ADAM33: variants seen among roughly 807,000 people sequenced by gnomAD.
ADAM33 encodes the protein ADAM metallopeptidase domain 33, also known as disintegrin and metalloproteinase domain-containing protein 33.
In ADAM33, 103 loss-of-function variants were observed where a neutral mutation model predicts 106.2. The ratio of observed to expected loss-of-function variants is 0.97; its 90% CI spans 0.83 to 1.14. The LOEUF is 1.14. Among genes scored for constraint, ADAM33 ranks in the 50% most tolerant of loss-of-function variants. ADAM33 has a pLI of 0.00. For synonymous variants in ADAM33, 483 were observed against 453.0 expected (o/e 1.07, Z -0.84); for missense variants, 1,120 against 1,096.6 (o/e 1.02, Z -0.30).
intron 1 of ADAM33, 125 bp from the exon 2 acceptor site, chr20:3,679,696 A>G (rs1004377038): frequency 1.3e-6 from 1 of 749,016 alleles, no homozygotes; most frequent in African/African-American, 1.7e-5. Context: ...GGCAGACTTC[A>G]CCTTCAACAC....
chr20:3,671,501 G>A lies in ADAM33; in HGVS notation c.1906-5C>T, dbSNP rs780983506. On this transcript the variant is annotated splice_polypyrimidine_tract_variant and splice_region_variant and intron_variant, in intron 16 of 21. Transcript: ENST00000356518. ...GCAGCGCCTGCTCTGGCACACCTAC[G>A]GGCAGTGCACCAGGCAGTGAGGGGG... 16 of 1,610,530 alleles carry A rather than the reference G, an allele frequency of 9.9e-6. No individual in the cohort carries two copies. The highest frequency in any genetic ancestry group is 1.6e-4 in the Middle Eastern group (1 of 6,074).
At chr20:3,669,076 CTCA>C (rs2087358886) in intron 21 of ADAM33, 76 bp from the exon 22 acceptor site, 2 of 1,504,376 alleles carry the variant, frequency 1.3e-6, no homozygotes, top group Admixed American at 1.7e-5. Context: ...AGAGCCCATC[CTCA>C]CTCAGTGAGG....
At chr20:3,681,793 G>A (rs2088522467) in intron 1 of ADAM33, 115 bp downstream of exon 1, 13 of 1,416,210 alleles carry the variant, frequency 9.2e-6, no homozygotes, top group Middle Eastern at 2.4e-4. Flanking sequence ...TGGCCGTATG[G>A]TGCCGGGGCC....
At position 3,672,838 on chromosome 20, in the gene ADAM33, G is replaced by A. The variant is rs2087638432; in HGVS notation, c.1194C>T (p.Arg398=). The change falls in exon 12 of 22, where the codon CGC becomes CGT. Residue 398 remains arginine, a synonymous_variant. Transcript: ENST00000356518. ...TGGAGAGGCAAGCGCCGCCCCCCTT[G>A]CGGAAGAAGGCGCGCAGCTGGCGGC... The part of the protein sequence containing the change: ...CSRRQLRAFF[R]KGGGACLSNA... 6.3e-7 allele frequency: 1 copy of A among 1,575,446 alleles called. No individual in the cohort carries two copies. Among genetic ancestry groups the A allele is most frequent in the African/African-American group, 1.4e-5 (1 of 73,412 alleles).
intron 8 of ADAM33, 22 bp from the exon 9 acceptor site, chr20:3,673,933 A>T: frequency 6.4e-7 from 1 of 1,571,740 alleles, no homozygotes; most frequent in Non-Finnish European, 8.6e-7. Flanking sequence ...GCGGGGCTGA[A>T]GCCGGGACAG....
chr20:3,678,086 A>C (rs183430480), intron 2 of ADAM33, among the ~76,000 whole-genome samples: 1 of 152,212 alleles, frequency 6.6e-6, no homozygotes, highest in African/African-American at 2.4e-5. Flanking sequence ...AGGCCCCACA[A>C]GGCCTCCAGC....
rs1182176070 is a variant in ADAM33, at chr20:3,669,331, T to G, written c.2372A>C (p.Lys791Thr). ...GTCAGGCGAGACTGCTGGCAGAGGC[T>G]TCTCAGGGTGGCTGCTGGGCTCATG... ...NSHEPSSHPEKPLPAVSPDPQ... is the reference protein window; with the variant it reads ...NSHEPSSHPETPLPAVSPDPQ... The change falls in exon 21 of 22, where the codon AAG becomes ACG. Residue 791 changes from lysine (K) to threonine (T), a missense_variant. Transcript: ENST00000356518. The G allele has an allele frequency of 6.2e-7, 1 of 1,600,786 alleles. No homozygotes were observed. Among genetic ancestry groups the G allele is most frequent in the East Asian group, 2.2e-5 (1 of 44,832 alleles).
chr20:3,673,585 C>A lies in ADAM33; in HGVS notation c.979G>T (p.Gly327Cys). Reference sequence around the variant, plus strand: ...CCCGCGGGGCTCACCGTGCTCACGCCTCCCGAGCTCTCGGCGCGGCACATG... The same window carrying A: ...CCCGCGGGGCTCACCGTGCTCACGCATCCCGAGCTCTCGGCGCGGCACATG... ...EGMCRAESSG[G>C]VSTDHSELPI... is the part of the protein sequence containing the mutation. Residue 327 changes from glycine to cysteine, a missense_variant, in exon 10 of 22, where the codon GGC (glycine) becomes TGC (cysteine). Gly to Cys is a radical substitution (Grantham distance 159). Coordinates refer to ENST00000356518, the MANE Select transcript of ADAM33 (RefSeq NM_025220.5). 1 of 1,377,006 alleles carries A rather than the reference C, an allele frequency of 7.3e-7. No homozygotes were observed. 85.3% of individuals were successfully genotyped at this position (1,377,006 alleles called of 1,614,324 possible).
Position 3,677,067 on chromosome 20 carries a change from T to G in ADAM33, c.254A>C (p.His85Pro). The change falls in exon 3 of 22, where the codon CAC (histidine) becomes CCC (proline). Residue 85 changes from histidine to proline, a missense_variant and splice_region_variant. Physicochemically the swap from His to Pro is moderately conservative, Grantham distance 77. Coordinates refer to ENST00000356518, the MANE Select transcript of ADAM33 (RefSeq NM_025220.5). ...AGCCCTACCCCAGCCTGGCACTCAC[T>G]GGTTCTTCTCCAGCTCAAGCAGGAG... ...QELLLELEKN[H>P]RLLAPGYIET... is the part of the protein sequence containing the mutation. 6.2e-7 allele frequency: 1 copy of G among 1,612,744 alleles called. No homozygotes were observed. Among genetic ancestry groups the G allele is most frequent in the South Asian group, 1.1e-5 (1 of 91,062 alleles).
chr20:3,679,183 CA>C (rs1568821800), intron 2 of ADAM33, among the ~76,000 whole-genome samples: 2 of 138,002 alleles, frequency 1.4e-5, no homozygotes, highest in Non-Finnish European at 3.1e-5. Context: ...TCAGGACCCA[CA>C]AACTCTGGAC....
Position 3,671,968 on chromosome 20 carries a change from C to G in ADAM33, c.1615G>C (p.Glu539Gln). Residue 539 changes from glutamate to glutamine, a missense_variant, in exon 15 of 22, where the codon GAG (glutamate) becomes CAG (glutamine). Coordinates refer to ENST00000356518, the MANE Select transcript of ADAM33 (RefSeq NM_025220.5). ...LWGPGSHPAP[E>Q]ACFQVVNSAG... ...GAGTTCACCACCTGGAAACAGGCCT[C>G]GGGAGCTGGGTGGGAGCCTGAGGAA... is the stretch of plus-strand genomic sequence containing the variant. 6.4e-7 allele frequency: 1 copy of G among 1,555,712 alleles called. No individual in the cohort carries two copies. The highest frequency in any genetic ancestry group is 8.7e-7 in the Non-Finnish European group (1 of 1,149,422).
chr20:3,676,969 G>T, intron 3 of ADAM33, 98 bp downstream of exon 3: 1 of 1,295,218 alleles, frequency 7.7e-7, no homozygotes, highest in Non-Finnish European at 1.1e-6. Context: ...CCCTCTCTGG[G>T]GTCCTCTGCC....
intron 2 of ADAM33, among the ~76,000 whole-genome samples, chr20:3,677,511 G>A (rs1370401396): frequency 6.6e-6 from 1 of 152,182 alleles, no homozygotes; most frequent in African/African-American, 2.4e-5. Context: ...GGGTGCTGAG[G>A]ACATTATGGG....
chr20:3,676,394 ATCTTTT>A (rs1457919615), intron 3 of ADAM33, among the ~76,000 whole-genome samples: 1 of 149,918 alleles, frequency 6.7e-6, no homozygotes, highest in Non-Finnish European at 1.5e-5. Context: ...TAGCCACTGC[ATCTTTT>A]TCTTTTTTCT....
At chr20:3,676,651 C>T (rs1447113339) in intron 3 of ADAM33, among the ~76,000 whole-genome samples, 1 of 152,082 alleles carries the variant, frequency 6.6e-6, no homozygotes, top group Admixed American at 6.5e-5. Flanking sequence ...GTTGGCAAGG[C>T]TGGTCTCAAA....
In ADAM33 at chr20:3,674,497, CCCTGA is replaced by C; in HGVS notation, c.600+2_600+6del. 1 of 1,612,714 alleles carries C rather than the reference CCCTGA, an allele frequency of 6.2e-7. No individual in the cohort carries two copies. The highest frequency in any genetic ancestry group is 8.5e-7 in the Non-Finnish European group (1 of 1,179,754). Reference sequence around the variant, plus strand: ...ATTCCCACTCCCATCCGATCGATGCCCCTGACCCTGCTCTGGGGACCACCAGGAAG... The same window carrying C: ...ATTCCCACTCCCATCCGATCGATGCCCCCTGCTCTGGGGACCACCAGGAAG... On this transcript the variant is annotated splice_donor_variant and splice_donor_5th_base_variant and intron_variant, in intron 6 of 21. Coordinates refer to ENST00000356518, the MANE Select transcript of ADAM33 (RefSeq NM_025220.5). LOFTEE classifies it high-confidence loss of function.
Position 3,669,547 on chromosome 20 carries a change from C to G in ADAM33, c.2331G>C (p.Leu777=), listed in dbSNP as rs559005355. Residue 777 remains leucine, a splice_region_variant and synonymous_variant, in exon 20 of 22, where the codon CTG becomes CTC. Transcript: ENST00000356518. ...ACCTCCCCCTGGTGCCTCACTCACC[C>G]AGGGGCCAGGGCTGTCCAGTGGCTG... is the stretch of plus-strand genomic sequence containing the variant. ...GPTATGQPWP[L]DPENSHEPSS... is the part of the protein sequence containing the mutation. The G allele has an allele frequency of 1.3e-6, 2 of 1,585,760 alleles. No individual in the cohort carries two copies. Among genetic ancestry groups the G allele is most frequent in the Non-Finnish European group, 1.7e-6 (2 of 1,165,724 alleles).
chr20:3,674,797 A>G lies in ADAM33; in HGVS notation c.386T>C (p.Val129Ala), dbSNP rs774095679. 1 of 1,610,782 alleles carries G rather than the reference A, an allele frequency of 6.2e-7. No homozygotes were observed. The highest frequency in any genetic ancestry group is 8.5e-7 in the Non-Finnish European group (1 of 1,178,226). ...CCTCATCCCAGAGCAGGTGCAGAGGACTACCCAGGAGTCGGGGAAGCCCCT... is the reference window on the plus strand; with the variant it reads ...CCTCATCCCAGAGCAGGTGCAGAGGGCTACCCAGGAGTCGGGGAAGCCCCT... ...RVRGFPDSWV[V>A]LCTCSGMSGL... Residue 129 changes from valine (V) to alanine (A), a missense_variant, in exon 5 of 22, where the codon GTC becomes GCC. By Grantham distance (64) the Val-to-Ala change is moderately conservative (BLOSUM62 0). Coordinates refer to ENST00000356518, the MANE Select transcript of ADAM33 (RefSeq NM_025220.5).
In ADAM33 at chr20:3,671,964, G is replaced by A. The variant is rs368426511; in HGVS notation, c.1619C>T (p.Ala540Val). Reference sequence around the variant, plus strand: ...CGCAGAGTTCACCACCTGGAAACAGGCCTCGGGAGCTGGGTGGGAGCCTGA... The same window carrying A: ...CGCAGAGTTCACCACCTGGAAACAGACCTCGGGAGCTGGGTGGGAGCCTGA... Reference protein sequence around the residue: ...WGPGSHPAPEACFQVVNSAGD... With the variant: ...WGPGSHPAPEVCFQVVNSAGD... The change falls in exon 15 of 22, where the codon GCC (alanine) becomes GTC (valine). Residue 540 changes from alanine (A) to valine (V), a missense_variant. Ala to Val is a moderately conservative substitution (Grantham distance 64). Transcript: ENST00000356518. 4.6e-5 allele frequency: 71 copies of A among 1,555,680 alleles called. No homozygotes were observed. The highest frequency in any genetic ancestry group is 6.1e-5 in the Non-Finnish European group (70 of 1,149,420).
Sources: gnomAD v4.1 joint callset for allele counts (sites outside exome capture counted in the v4.1 genomes callset) on GRCh38, gnomAD v4.1.1 for gene constraint, MANE v1.5 for transcripts, NCBI Gene and HGNC (gene_info 2026-07-23, HGNC 2026-07-21) for gene names.